Variants in DCX observed in about 807,000 individuals in gnomAD.
DCX encodes neuronal migration protein doublecortin.
A neutral mutation model predicts 20.9 loss-of-function variants in DCX; 4 were observed. That is an observed-to-expected ratio of 0.19 (90% CI 0.09 to 0.44). The LOEUF is 0.44. DCX is among the 20% of genes least tolerant of loss of function. The pLI, the probability that DCX is intolerant of heterozygous loss-of-function variation, is 0.99. For missense variants in DCX, 133 were observed against 296.9 expected (o/e 0.45, Z 4.06); for synonymous variants, 103 against 111.4 (o/e 0.92, Z 0.47).
At chrX:111,340,158 A>G (rs1391455781) in intron 3 of DCX, among the ~76,000 whole-genome samples, 1 of 112,531 alleles carries the variant, frequency 8.9e-6, no homozygotes, top group Admixed American at 9.4e-5. Flanking sequence ...ACTCATCTCT[A>G]TAGCTCCAGG....
At chrX:111,372,577 T>C (rs915665711) in intron 3 of DCX, among the ~76,000 whole-genome samples, 4 of 111,337 alleles carry the variant, frequency 3.6e-5, no homozygotes, top group African/African-American at 1.3e-4. Context: ...TATTCCTCAG[T>C]CTCCCCTATT....
chrX:111,357,602 G>A (rs193116251), intron 3 of DCX, among the ~76,000 whole-genome samples: 102 of 110,504 alleles, frequency 9.2e-4, no homozygotes, highest in African/African-American at 2.9e-3. Flanking sequence ...AACATAGTGA[G>A]CTTTTGTCTC....
At chrX:111,379,085 C>A (rs1390214941) in intron 3 of DCX, among the ~76,000 whole-genome samples, 1 of 112,123 alleles carries the variant, frequency 8.9e-6, no homozygotes. Flanking sequence ...ATTACCTAGT[C>A]TAAGGTAGTT....
chrX:111,323,485 G>A (rs971353052), intron 5 of DCX, among the ~76,000 whole-genome samples: 3 of 110,803 alleles, frequency 2.7e-5, no homozygotes, highest in Non-Finnish European at 5.7e-5. Flanking sequence ...ACTGAGTTAG[G>A]AAATCCTAGC....
chrX:111,345,743 C>G (rs1922751525), intron 3 of DCX, among the ~76,000 whole-genome samples: 1 of 111,473 alleles, frequency 9.0e-6, no homozygotes, highest in African/African-American at 3.3e-5. Context: ...ATTTATAATC[C>G]TTTGGGTATA....
At chrX:111,376,289 C>T (rs974050914) in intron 3 of DCX, among the ~76,000 whole-genome samples, 1 of 111,888 alleles carries the variant, frequency 8.9e-6, no homozygotes, top group Non-Finnish European at 1.9e-5. Flanking sequence ...ATGCAGCAGT[C>T]AGAGTCTTTG....
chrX:111,310,706 A>G (rs2095055993), intron 6 of DCX, among the ~76,000 whole-genome samples: 1 of 112,572 alleles, frequency 8.9e-6, no homozygotes, highest in South Asian at 3.6e-4. Context: ...AAATAAAATG[A>G]AACACTGAAA....
chrX:111,307,223 A>G (rs1168865732), intron 6 of DCX, among the ~76,000 whole-genome samples: 1 of 109,206 alleles, frequency 9.2e-6, no homozygotes, highest in Non-Finnish European at 1.9e-5. Context: ...AGTACTGTTT[A>G]TGTGATTTCT....
At chrX:111,339,536 C>G in intron 3 of DCX, among the ~76,000 whole-genome samples, 1 of 111,829 alleles carries the variant, frequency 8.9e-6, no homozygotes, top group Non-Finnish European at 1.9e-5. Context: ...AACTTCACAG[C>G]CTCCAGGACT....
At chrX:111,397,350 A>G (rs1156850896) in intron 3 of DCX, among the ~76,000 whole-genome samples, 2 of 111,804 alleles carry the variant, frequency 1.8e-5, no homozygotes, top group African/African-American at 6.5e-5. Flanking sequence ...TGTGTCACGT[A>G]TAGCCAAAAA....
intron 2 of DCX, among the ~76,000 whole-genome samples, chrX:111,405,839 G>A (rs953738807): frequency 1.2e-4 from 13 of 111,436 alleles, no homozygotes; most frequent in African/African-American, 4.2e-4. Context: ...CCCAAGGACT[G>A]TGGGAAAACT....
At chrX:111,360,147 G>A (rs997325269) in intron 3 of DCX, among the ~76,000 whole-genome samples, 1 of 111,888 alleles carries the variant, frequency 8.9e-6, no homozygotes, top group Non-Finnish European at 1.9e-5. Flanking sequence ...TTAAAAGAAT[G>A]CAGGGGTTGC....
intron 3 of DCX, among the ~76,000 whole-genome samples, chrX:111,369,097 G>A (rs1292974647): frequency 9.0e-6 from 1 of 110,697 alleles, no homozygotes; most frequent in East Asian, 2.9e-4. Context: ...GATGTAGACT[G>A]GGAGGCTAGG....
chrX:111,324,223 TC>T (rs1443185687), intron 5 of DCX, among the ~76,000 whole-genome samples: 1 of 111,178 alleles, frequency 9.0e-6, no homozygotes, highest in Non-Finnish European at 1.9e-5. Flanking sequence ...GCCATATTCA[TC>T]ACCACCTCTG....
intron 6 of DCX, among the ~76,000 whole-genome samples, chrX:111,311,616 A>G (rs1603412610): frequency 1.8e-5 from 2 of 112,122 alleles, no homozygotes. Flanking sequence ...CTGGCACACC[A>G]CTGGTGGTGA....
intron 3 of DCX, among the ~76,000 whole-genome samples, chrX:111,364,552 C>T (rs753359509): frequency 1.4e-4 from 16 of 111,639 alleles, no homozygotes; most frequent in Non-Finnish European, 2.4e-4. Context: ...TTCCATAAAC[C>T]AGCATTTTTT....
intron 5 of DCX, among the ~76,000 whole-genome samples, chrX:111,313,586 A>G (rs1319410520): frequency 8.9e-6 from 1 of 112,258 alleles, no homozygotes; most frequent in Non-Finnish European, 1.9e-5. Context: ...ATTTGGCTCT[A>G]GCCAAGAAAA....
chrX:111,383,212 C>T (rs1317198329), intron 3 of DCX, among the ~76,000 whole-genome samples: 2 of 111,490 alleles, frequency 1.8e-5, no homozygotes, highest in South Asian at 3.8e-4. Flanking sequence ...ATGCCCCAAA[C>T]AGATGATGTA....
intron 2 of DCX, among the ~76,000 whole-genome samples, chrX:111,407,892 C>T (rs141695439): frequency 2.8e-3 from 301 of 109,412 alleles, no homozygotes; most frequent in Non-Finnish European, 4.9e-3. Flanking sequence ...AAATTTTGTG[C>T]ATAACGCCTC....
Sources: gnomAD v4.1 joint callset for allele counts (sites outside exome capture counted in the v4.1 genomes callset) on GRCh38, gnomAD v4.1.1 for gene constraint, MANE v1.5 for transcripts, NCBI Gene and HGNC (gene_info 2026-07-23, HGNC 2026-07-21) for gene names.